MTUS1: variants seen among roughly 807,000 people sequenced by gnomAD.
The protein encoded by MTUS1 is microtubule associated scaffold protein 1.
MTUS1 carries 109 observed loss-of-function variants against 120.8 expected under a neutral mutation model. The observed-to-expected ratio is 0.90, with a 90% confidence interval of 0.77 to 1.06. MTUS1 has a LOEUF of 1.06. Ranked by LOEUF, MTUS1 falls within the 50% of genes least tolerant of loss-of-function variation. The pLI is 0.00. For synonymous variants in MTUS1, 737 were observed against 550.5 expected (o/e 1.34, Z -4.74); for missense variants, 2,210 against 1,486.3 (o/e 1.49, Z -8.01).
At chr8:17,654,188 C>T (rs534126065) in intron 10 of MTUS1, 16 of 223,412 alleles carry the variant, frequency 7.2e-5, no homozygotes, top group South Asian at 3.6e-4. Flanking sequence ...TAAGTGGCAT[C>T]GACATTTCAC....
chr8:17,674,536 A>T (rs1812674949), intron 8 of MTUS1: 1 of 985,862 alleles, frequency 1.0e-6, no homozygotes. Flanking sequence ...ATAACAGCGT[A>T]GCCTGGAAAC....
chr8:17,677,258 T>C (rs1356869474), intron 7 of MTUS1, among the ~76,000 whole-genome samples: 1 of 152,144 alleles, frequency 6.6e-6, no homozygotes, highest in Non-Finnish European at 1.5e-5. Context: ...AATATCAAAT[T>C]TAAGCCTGAA....
At chr8:17,687,012 A>G (rs148835848) in intron 6 of MTUS1, among the ~76,000 whole-genome samples, 36 of 152,308 alleles carry the variant, frequency 2.4e-4, no homozygotes, top group African/African-American at 7.9e-4. Flanking sequence ...TCTATGCAGA[A>G]TTTTTCCTTG....
chr8:17,680,085 CACAG>C (rs1292101967), intron 7 of MTUS1, among the ~76,000 whole-genome samples: 1 of 152,018 alleles, frequency 6.6e-6, no homozygotes, highest in Non-Finnish European at 1.5e-5. Context: ...TCTAATATAA[CACAG>C]ACAATGAAAG....
At chr8:17,756,670 A>C (rs2048635866) in intron 1 of MTUS1, among the ~76,000 whole-genome samples, 3 of 46,274 alleles carry the variant, frequency 6.5e-5, no homozygotes, top group South Asian at 1.3e-3. Context: ...GTCAAGCCCA[A>C]ACCCCCACCC....
chr8:17,652,499 G>C (rs543530432), intron 12 of MTUS1, among the ~76,000 whole-genome samples: 2 of 151,952 alleles, frequency 1.3e-5, no homozygotes, highest in Admixed American at 6.6e-5. Context: ...GAATTTGGGG[G>C]AATGGGGAGT....
At chr8:17,735,803 C>T (rs960293936) in intron 3 of MTUS1, among the ~76,000 whole-genome samples, 3 of 152,218 alleles carry the variant, frequency 2.0e-5, no homozygotes, top group Non-Finnish European at 4.4e-5. Flanking sequence ...GTGCTGGGCA[C>T]TGGAAAATAT....
chr8:17,734,420 C>T (rs143418280), intron 3 of MTUS1, among the ~76,000 whole-genome samples: 2 of 152,244 alleles, frequency 1.3e-5, no homozygotes, highest in East Asian at 3.9e-4. Flanking sequence ...ATAACAAAAA[C>T]ACGGCAAGTC....
At chr8:17,715,084 T>G (rs1822070483) in intron 5 of MTUS1, among the ~76,000 whole-genome samples, 1 of 151,828 alleles carries the variant, frequency 6.6e-6, no homozygotes, top group Non-Finnish European at 1.5e-5. Context: ...TTTTGTATTT[T>G]TAGTAGAGAT....
intron 10 of MTUS1, chr8:17,653,814 T>C (rs1347258304): frequency 4.1e-6 from 1 of 244,342 alleles, no homozygotes; most frequent in Non-Finnish European, 7.7e-6. Context: ...CACTCCAGAC[T>C]CCTGGTCTGG....
chr8:17,747,216 C>A (rs189656181), intron 2 of MTUS1, among the ~76,000 whole-genome samples: 116 of 147,394 alleles, frequency 7.9e-4, no homozygotes, highest in African/African-American at 1.8e-3. Context: ...GTTCCATTCT[C>A]CCAGCTCCCA....
rs187109348 is a variant in MTUS1, at chr8:17,750,345, C to G, written c.2091+3372G>C. ...TTAAATTAAAGCTGGCTAAATTCAT[C>G]TCCCAGAGAAAAATCTTCTTTTAAA... On this transcript the variant is annotated intron_variant, in intron 2 of 14. Coordinates refer to ENST00000693296, the MANE Select transcript of MTUS1 (RefSeq NM_001363059.2). 2.4e-3 allele frequency among the ~76,000 whole-genome samples: 371 copies of G among 152,330 alleles called. 6 individuals carry two copies. Among genetic ancestry groups the G allele is most frequent in the South Asian group, 1.2e-3 (6 of 4,828 alleles).
chr8:17,658,211 AT>A (rs1808882301), intron 8 of MTUS1, among the ~76,000 whole-genome samples: 1 of 152,022 alleles, frequency 6.6e-6, no homozygotes, highest in African/African-American at 2.4e-5. Flanking sequence ...TAATTTTTGT[AT>A]TTTAGTAGAC....
At chr8:17,766,666 TTTG>T (rs2049525880) in intron 1 of MTUS1, among the ~76,000 whole-genome samples, 1 of 152,196 alleles carries the variant, frequency 6.6e-6, no homozygotes, top group Non-Finnish European at 1.5e-5. Flanking sequence ...TTTCTGGTGG[TTTG>T]TTGTTGTTGT....
intron 1 of MTUS1, among the ~76,000 whole-genome samples, chr8:17,773,310 G>C (rs763250100): frequency 1.3e-5 from 2 of 152,132 alleles, no homozygotes; most frequent in Non-Finnish European, 2.9e-5. Context: ...GTCTTCAAGA[G>C]TCATGCTAGC....
intron 3 of MTUS1, among the ~76,000 whole-genome samples, chr8:17,735,702 C>G (rs551399643): frequency 6.6e-6 from 1 of 152,382 alleles, no homozygotes; most frequent in East Asian, 1.9e-4. Context: ...AGTGTTGCTC[C>G]TTTACTGTGG....
rs961508488 is a variant in MTUS1, at chr8:17,787,664, C to G, written c.-155+13397G>C. Among the ~76,000 whole-genome samples, 6 of 152,308 alleles carry G rather than the reference C, an allele frequency of 3.9e-5. No individual in the cohort carries two copies. The East Asian group carries it at 1.2e-3, about 29-fold the overall frequency. ...TCCTCATGGACAAAAACTGATTCAA[C>G]AATCCATCTCATAGGGTCGTTTTAG... On this transcript the variant is annotated intron_variant, in intron 1 of 14. Transcript: ENST00000693296.
intron 6 of MTUS1, among the ~76,000 whole-genome samples, chr8:17,685,179 T>TTGG (rs1189479165): frequency 6.6e-6 from 1 of 152,182 alleles, no homozygotes. Context: ...ACAAGCTTTG[T>TTGG]TGGTCTTTTT....
At chr8:17,712,659 T>C (rs769766215) in intron 6 of MTUS1, among the ~76,000 whole-genome samples, 8 of 152,166 alleles carry the variant, frequency 5.3e-5, no homozygotes, top group Non-Finnish European at 8.8e-5. Context: ...TCTGTCTGTC[T>C]GTCCATCCAT....
Sources: allele counts gnomAD v4.1 joint callset (sites outside exome capture counted in the v4.1 genomes callset), GRCh38; gene constraint gnomAD v4.1.1; transcripts MANE v1.5; gene names NCBI Gene and HGNC (gene_info 2026-07-23, HGNC 2026-07-21).